The following CTTN variants were observed in gnomAD, a reference collection of about 807,000 sequenced individuals.
CTTN encodes cortactin.
In CTTN, 28 loss-of-function variants were observed where a neutral mutation model predicts 84.0. The observed-to-expected ratio is 0.33, with a 90% CI of 0.25 to 0.46. The LOEUF (loss-of-function observed/expected upper bound fraction) is 0.46. Ranked by LOEUF, CTTN falls within the 20% of genes least tolerant of loss-of-function variation. The pLI is 1.00. For synonymous variants in CTTN, 301 were observed against 288.8 expected (o/e 1.04, Z -0.43); for missense variants, 641 against 723.8 (o/e 0.89, Z 1.31).
chr11:70,404,649 A>G (rs1407656914), intron 1 of CTTN, among the ~76,000 whole-genome samples: 1 of 152,252 alleles, frequency 6.6e-6, no homozygotes, highest in African/African-American at 2.4e-5. Flanking sequence ...TCTAAGAATT[A>G]TGGCAAACAG....
chr11:70,423,531 CA>C (rs1411589626), intron 12 of CTTN, among the ~76,000 whole-genome samples: 2 of 152,360 alleles, frequency 1.3e-5, no homozygotes, highest in African/African-American at 4.8e-5. Flanking sequence ...CAGCACCATC[CA>C]GGGGCGTAGG....
chr11:70,419,207 T>C (rs2058200374), intron 8 of CTTN, among the ~76,000 whole-genome samples: 1 of 151,154 alleles, frequency 6.6e-6, no homozygotes, highest in African/African-American at 2.4e-5. Flanking sequence ...ACCTCCTGGG[T>C]TCCAGTGATT....
At chr11:70,433,751 AC>A in intron 17 of CTTN, 33 bp downstream of exon 17, 1 of 1,483,530 alleles carries the variant, frequency 6.7e-7, no homozygotes, top group Non-Finnish European at 9.4e-7. Flanking sequence ...TGGAGGGGAG[AC>A]CCAGGCAGCT....
chr11:70,410,881 C>A (rs1376979240), intron 5 of CTTN, among the ~76,000 whole-genome samples: 1 of 152,126 alleles, frequency 6.6e-6, no homozygotes, highest in Non-Finnish European at 1.5e-5. Flanking sequence ...GAGCTGGGCA[C>A]GGGATGATGT....
chr11:70,418,497 C>A (rs1189501146), intron 8 of CTTN, among the ~76,000 whole-genome samples: 3 of 152,276 alleles, frequency 2.0e-5, no homozygotes, highest in African/African-American at 7.2e-5. Flanking sequence ...CCTTGATCCT[C>A]TGCCTTGTGC....
intron 8 of CTTN, among the ~76,000 whole-genome samples, chr11:70,418,271 G>A (rs2058186756): frequency 6.6e-6 from 1 of 152,212 alleles, no homozygotes; most frequent in Admixed American, 6.5e-5. Context: ...CCTTCCTGCC[G>A]GTCAGGCCTT....
intron 5 of CTTN, chr11:70,410,190 G>C: frequency 2.2e-6 from 1 of 457,952 alleles, no homozygotes; most frequent in Non-Finnish European, 3.9e-6. Flanking sequence ...GGGTGTTAGT[G>C]GGGAGGCCCA....
At chr11:70,408,692 A>G (rs1050494813) in intron 4 of CTTN, among the ~76,000 whole-genome samples, 4 of 152,016 alleles carry the variant, frequency 2.6e-5, no homozygotes, top group Admixed American at 1.3e-4. Context: ...GTGCCGCCGC[A>G]CCTGGCCCCC....
At chr11:70,403,176 A>G (rs1458977583) in intron 1 of CTTN, among the ~76,000 whole-genome samples, 7 of 146,648 alleles carry the variant, frequency 4.8e-5, no homozygotes, top group Admixed American at 2.0e-4. Flanking sequence ...TTATTGAATT[A>G]TAAGAGTTCC....
chr11:70,422,630 A>G, intron 11 of CTTN: 1 of 1,362,508 alleles, frequency 7.3e-7, no homozygotes, highest in Non-Finnish European at 9.6e-7. Context: ...CGCGTTGCAA[A>G]GGCCTGTCCG....
At chr11:70,411,064 C>G (rs192014363) in intron 5 of CTTN, among the ~76,000 whole-genome samples, 7 of 152,300 alleles carry the variant, frequency 4.6e-5, no homozygotes, top group South Asian at 2.1e-4. Context: ...CAGAGATGCC[C>G]TGACACCGAG....
At position 70,435,123 on chromosome 11, in the gene CTTN, C is replaced by G. The variant is rs545888686; in HGVS notation, c.1614C>G (p.Tyr538Ter). 6.2e-7 allele frequency: 1 copy of G among 1,613,262 alleles called. No homozygotes were observed. Among genetic ancestry groups the G allele is most frequent in the Non-Finnish European group, 8.5e-7 (1 of 1,179,970 alleles). The change falls in exon 18 of 18, where the codon TAC becomes TAG. Residue 538 changes from tyrosine (Y) to a stop codon, truncating the protein, a stop_gained. Transcript: ENST00000301843. LOFTEE classifies it high-confidence loss of function. ...GGCGCGGGGTGTGCAAGGGCCGGTA[C>G]GGGCTCTTCCCAGCCAACTATGTGG... ...GWWRGVCKGR[Y>*]GLFPANYVEL...
At chr11:70,427,374 TGGC>T (rs1392624921) in intron 13 of CTTN, among the ~76,000 whole-genome samples, 4 of 152,128 alleles carry the variant, frequency 2.6e-5, no homozygotes, top group Non-Finnish European at 5.9e-5. Context: ...ATAATATAAC[TGGC>T]CATGCACAGT....
intron 10 of CTTN, among the ~76,000 whole-genome samples, 163 bp downstream of exon 10, chr11:70,420,673 A>G (rs1476096635): frequency 6.6e-6 from 1 of 152,190 alleles, no homozygotes; most frequent in African/African-American, 2.4e-5. Context: ...AGTTCCCTCC[A>G]GCTAGTGTAG....
intron 1 of CTTN, among the ~76,000 whole-genome samples, chr11:70,401,858 T>G (rs2057987067): frequency 1.3e-5 from 2 of 150,804 alleles, no homozygotes; most frequent in African/African-American, 2.4e-5. Flanking sequence ...AAAAAAAGGC[T>G]GGTGGGGGGC....
chr11:70,406,008 G>C (rs893049279), intron 2 of CTTN, among the ~76,000 whole-genome samples: 1 of 152,220 alleles, frequency 6.6e-6, no homozygotes. Flanking sequence ...AAATGGGCGC[G>C]TTGGGACAAG....
Position 70,435,231 on chromosome 11 carries a change from TG to T in CTTN, c.*72del, listed in dbSNP as rs755029640. The T allele has an allele frequency of 1.3e-4, 187 of 1,438,448 alleles. No individual in the cohort carries two copies. Among genetic ancestry groups the T allele is most frequent in the Non-Finnish European group, 1.6e-4 (178 of 1,107,564 alleles). 89.1% of individuals were successfully genotyped at this position (1,438,448 alleles called of 1,614,324 possible). On this transcript the variant is annotated 3_prime_UTR_variant, in exon 18 of 18. Coordinates refer to ENST00000301843, the MANE Select transcript of CTTN (RefSeq NM_005231.4). ...TACAGATCAGGCCTTCTTTGGTTCT[TG>T]GGTGGTTTTGGGTTTTTTCTGTTTT...
Position 70,419,861 on chromosome 11 carries a change from CT to C in CTTN, c.679+7del. 6.2e-7 allele frequency: 1 copy of C among 1,608,682 alleles called. No individual in the cohort carries two copies. The highest frequency in any genetic ancestry group is 8.5e-7 in the Non-Finnish European group (1 of 1,176,446). ...AGAAGCACGAGTCCCAGAAAGGTGT[CT>C]TCCGTTTTATCTTACCCTCCAGCCA... On this transcript the variant is annotated splice_donor_region_variant and intron_variant, in intron 9 of 17. Transcript: ENST00000301843.
intron 5 of CTTN, among the ~76,000 whole-genome samples, chr11:70,410,974 G>A (rs947811676): frequency 2.0e-5 from 3 of 152,164 alleles, no homozygotes; most frequent in East Asian, 1.9e-4. Context: ...CCCAAACCAC[G>A]ACCATAAATA....
Sources: gnomAD v4.1 joint callset for allele counts (sites outside exome capture counted in the v4.1 genomes callset) on GRCh38, gnomAD v4.1.1 for gene constraint, MANE v1.5 for transcripts, NCBI Gene and HGNC (gene_info 2026-07-23, HGNC 2026-07-21) for gene names.